KLF12: variants seen among roughly 807,000 people sequenced by gnomAD.
KLF12 encodes Krueppel-like factor 12.
KLF12 carries 9 observed loss-of-function variants against 37.8 expected under a neutral mutation model. That is an observed-to-expected ratio of 0.24 (90% confidence interval 0.14 to 0.42). The LOEUF (loss-of-function observed/expected upper bound fraction) is 0.42, where lower values mean the gene tolerates loss of function less well. KLF12 is among the 10% of genes least tolerant of loss of function. The pLI, the probability that KLF12 is intolerant of heterozygous loss-of-function variation, is 1.00. For missense variants in KLF12, 411 were observed against 516.0 expected (o/e 0.80, Z 1.97); for synonymous variants, 208 against 202.1 (o/e 1.03, Z -0.25).
At chr13:74,199,801 G>T in the KLF12 span, among the ~76,000 whole-genome samples, 1 of 152,066 alleles carries the variant, frequency 6.6e-6, no homozygotes, top group Admixed American at 6.6e-5. Context: ...TTTTAGATTT[G>T]CTGGGCTTCC....
the KLF12 span, among the ~76,000 whole-genome samples, chr13:74,249,395 A>G: frequency 9.4e-4 from 130 of 138,542 alleles, no homozygotes; most frequent in Non-Finnish European, 1.6e-3. Context: ...CCCTCACTCA[A>G]TGCCATAAAT....
At chr13:73,918,331 T>A (rs971575424) in intron 3 of KLF12, among the ~76,000 whole-genome samples, 1 of 152,184 alleles carries the variant, frequency 6.6e-6, no homozygotes, top group Non-Finnish European at 1.5e-5. Context: ...ATGGCAATAT[T>A]TCTACCTTGA....
intron 3 of KLF12, among the ~76,000 whole-genome samples, chr13:73,930,165 T>C (rs1454613735): frequency 4.6e-5 from 7 of 152,370 alleles, no homozygotes; most frequent in East Asian, 3.9e-4. Flanking sequence ...TAGGGAATAA[T>C]GTAAAGATGA....
intron 1 of KLF12, among the ~76,000 whole-genome samples, chr13:74,103,904 G>C (rs1478358426): frequency 1.3e-5 from 2 of 152,288 alleles, no homozygotes; most frequent in African/African-American, 4.8e-5. Flanking sequence ...CAAATGATAA[G>C]TTTTGTTAGA....
chr13:74,065,359 A>G (rs1201526737), intron 1 of KLF12, among the ~76,000 whole-genome samples: 9 of 152,212 alleles, frequency 5.9e-5, no homozygotes, highest in Non-Finnish European at 1.2e-4. Flanking sequence ...TTTTAAAGTG[A>G]GAAATTCAGG....
chr13:73,842,889 A>C (rs192746630), intron 4 of KLF12, among the ~76,000 whole-genome samples: 249 of 152,318 alleles, frequency 1.6e-3, no homozygotes, highest in African/African-American at 5.9e-3. Context: ...TCCTTTATTC[A>C]TTCTGTGAGG....
intron 6 of KLF12, among the ~76,000 whole-genome samples, chr13:73,747,614 G>C (rs1272949660): frequency 6.6e-6 from 1 of 152,104 alleles, no homozygotes; most frequent in Non-Finnish European, 1.5e-5. Context: ...TGTAATAATA[G>C]TCAACACTTA....
intron 1 of KLF12, among the ~76,000 whole-genome samples, chr13:74,063,703 A>G (rs1308235237): frequency 1.3e-5 from 2 of 152,252 alleles, no homozygotes; most frequent in Admixed American, 6.5e-5. Flanking sequence ...AATAGATTTG[A>G]AATTTTTTTT....
chr13:73,913,358 T>G (rs894331918), intron 3 of KLF12, among the ~76,000 whole-genome samples: 2 of 152,160 alleles, frequency 1.3e-5, no homozygotes, highest in African/African-American at 2.4e-5. Flanking sequence ...ATGCAGCACT[T>G]GGGAGCCACA....
At chr13:73,727,843 G>A (rs773249151) in intron 6 of KLF12, among the ~76,000 whole-genome samples, 5 of 151,992 alleles carry the variant, frequency 3.3e-5, no homozygotes, top group African/African-American at 7.3e-5. Context: ...GATTACAGAC[G>A]TGCAACACCA....
In KLF12 at chr13:73,755,207, C is replaced by T. The variant is rs972656291; in HGVS notation, c.869+9731G>A. On this transcript the variant is annotated intron_variant, in intron 6 of 7. Transcript: ENST00000377669. ...AGCAGCGTTTCTTTTTCTTTTCAGA[C>T]CTCTGAGGAAAAAAGGCAATGAGTA... Among the ~76,000 whole-genome samples, 4 of 151,948 alleles carry T rather than the reference C, an allele frequency of 2.6e-5. No individual in the cohort carries two copies. The South Asian group carries it at 8.3e-4, about 32-fold the overall frequency.
rs35919727 is a variant in KLF12 at position 73,693,309 on chromosome 13, C to CA, written c.*2180dup. 0.042 allele frequency: 6,362 copies of CA among 151,992 alleles called. 154 individuals carry two copies. Among genetic ancestry groups the CA allele is most frequent in the Middle Eastern group, 0.099 (29 of 294 alleles). The allele number at this position is 151,992 out of a possible 1,614,324, so 9.4% of individuals were successfully genotyped here. ...TGTGAAGTAGGAGTTGCATATAGTA[C>CA]AAAAAAACTTTCCAGGTGCTAAAAA... On this transcript the variant is annotated 3_prime_UTR_variant, in exon 8 of 8. Coordinates refer to ENST00000377669, the MANE Select transcript of KLF12 (RefSeq NM_007249.5).
chr13:74,302,391 C>T, the KLF12 span, among the ~76,000 whole-genome samples: 1 of 152,272 alleles, frequency 6.6e-6, no homozygotes, highest in African/African-American at 2.4e-5. Flanking sequence ...TGTCACCTCA[C>T]TTGTTCTTAG....
Position 73,800,850 on chromosome 13 carries a change from AG to A in KLF12, c.806+12301del, listed in dbSNP as rs1399827188. ...GATTCTATTTTATTATATAAGTAAA[AG>A]TTTAGAATTCCTTTCTCCACACCAG... On this transcript the variant is annotated intron_variant, in intron 5 of 7. Coordinates refer to ENST00000377669, the MANE Select transcript of KLF12 (RefSeq NM_007249.5). 7 of 152,152 alleles carry A rather than the reference AG, an allele frequency of 4.6e-5. No individual in the cohort carries two copies. In the South Asian group the frequency reaches 1.2e-3, roughly 27 times the overall value. 9.4% of individuals were successfully genotyped at this position (152,152 alleles called of 1,614,324 possible). A position where few individuals can be genotyped will look rare whatever the true frequency, so the allele number is the denominator to read the frequency against.
intron 7 of KLF12, among the ~76,000 whole-genome samples, chr13:73,709,885 C>T (rs951797132): frequency 6.6e-6 from 1 of 152,088 alleles, no homozygotes; most frequent in Non-Finnish European, 1.5e-5. Flanking sequence ...TCCTTGAACG[C>T]ATCCCATTCA....
chr13:74,025,161 A>C (rs1174765879), intron 1 of KLF12, among the ~76,000 whole-genome samples: 1 of 152,202 alleles, frequency 6.6e-6, no homozygotes. Context: ...GAAAATGCAA[A>C]GGGGCTGTAT....
At chr13:73,924,771 AG>A in intron 3 of KLF12, among the ~76,000 whole-genome samples, 1 of 152,366 alleles carries the variant, frequency 6.6e-6, no homozygotes, top group African/African-American at 2.4e-5. Flanking sequence ...TAAACCAAAT[AG>A]CCACACTGTG....
chr13:73,948,775 C>T (rs5008129), intron 2 of KLF12, among the ~76,000 whole-genome samples: 53,247 of 152,020 alleles, frequency 0.35, 10,369 homozygotes, highest in East Asian at 0.59. Flanking sequence ...ATTGCAAAAC[C>T]TTTGCTTATA....
At chr13:74,086,528 T>C (rs887627490) in intron 1 of KLF12, among the ~76,000 whole-genome samples, 1 of 152,070 alleles carries the variant, frequency 6.6e-6, no homozygotes, top group Non-Finnish European at 1.5e-5. Flanking sequence ...TGTTGGACAT[T>C]TGGGTTGGAG....
Sources: allele counts gnomAD v4.1 joint callset (sites outside exome capture counted in the v4.1 genomes callset), GRCh38; gene constraint gnomAD v4.1.1; transcripts MANE v1.5; gene names NCBI Gene and HGNC (gene_info 2026-07-23, HGNC 2026-07-21).